Variants in CACNA2D2 observed in about 807,000 individuals in gnomAD.
CACNA2D2 encodes the protein voltage-dependent calcium channel subunit alpha-2/delta-2.
Under a neutral mutation model 166.4 loss-of-function variants are expected in CACNA2D2, and 48 were observed. The observed-to-expected ratio is 0.29, with a 90% CI of 0.23 to 0.37. The LOEUF (loss-of-function observed/expected upper bound fraction) is 0.37, where lower values mean the gene tolerates loss of function less well. Ranked by LOEUF, CACNA2D2 falls within the 10% of genes least tolerant of loss-of-function variation. The probability of loss-of-function intolerance (pLI) is 1.00; values close to 1 mark genes in which losing one functional copy is unlikely to be tolerated. For missense variants in CACNA2D2, 1,122 were observed against 1,433.0 expected, an observed-to-expected ratio of 0.78 and a Z score of 3.50; for synonymous variants, 561 against 573.7, an observed-to-expected ratio of 0.98 and a Z score of 0.32.
At chr3:50,399,999 C>T (rs984764277) in intron 3 of CACNA2D2, among the ~76,000 whole-genome samples, 2 of 152,374 alleles carry the variant, frequency 1.3e-5, no homozygotes, top group East Asian at 1.9e-4. Flanking sequence ...TAGCCCAGCA[C>T]TGGCCCCATT....
At chr3:50,446,718 A>G (rs1708864554) in intron 2 of CACNA2D2, among the ~76,000 whole-genome samples, 1 of 152,226 alleles carries the variant, frequency 6.6e-6, no homozygotes, top group Non-Finnish European at 1.5e-5. Flanking sequence ...TCCCTTCAGG[A>G]TAACAAGCCC....
intron 2 of CACNA2D2, among the ~76,000 whole-genome samples, chr3:50,475,372 T>A (rs1710262868): frequency 6.6e-6 from 1 of 152,016 alleles, no homozygotes; most frequent in Non-Finnish European, 1.5e-5. Context: ...TCAGTTCTGG[T>A]CAGTACCTCC....
At chr3:50,396,564 G>GC (rs1706165668) in intron 3 of CACNA2D2, among the ~76,000 whole-genome samples, 1 of 152,098 alleles carries the variant, frequency 6.6e-6, no homozygotes, top group Admixed American at 6.5e-5. Flanking sequence ...GATGGATGAG[G>GC]CCCCCAATTC....
chr3:50,492,278 C>T (rs1462530763), intron 1 of CACNA2D2, among the ~76,000 whole-genome samples: 1 of 152,272 alleles, frequency 6.6e-6, no homozygotes, highest in Non-Finnish European at 1.5e-5. Context: ...TTAGCCCACT[C>T]ATGCCAGCAC....
chr3:50,501,153 C>G (rs1427672448), intron 1 of CACNA2D2, among the ~76,000 whole-genome samples: 1 of 152,224 alleles, frequency 6.6e-6, no homozygotes, highest in African/African-American at 2.4e-5. Context: ...AGCAGCCCCA[C>G]AGAACCTTCT....
Position 50,366,953 on chromosome 3 carries a change from C to CT in CACNA2D2, c.2501-35dup, listed in dbSNP as rs1321095360. ...GAGAGCAAGGGACCATCAGTGCTAC[C>CT]TGCCCAGGCAGTACCCTGTCCATTG... is the stretch of plus-strand genomic sequence containing the variant. On this transcript the variant is annotated intron_variant, in intron 28 of 37. Coordinates refer to ENST00000424201, the MANE Select transcript of CACNA2D2 (RefSeq NM_006030.4). This position sits in a 1 kb window ranked among gnomAD's most constrained non-coding sequence, Gnocchi z 5.9. 6.2e-7 allele frequency: 1 copy of CT among 1,613,144 alleles called. No individual in the cohort carries two copies. The highest frequency in any genetic ancestry group is 1.1e-5 in the South Asian group (1 of 91,062).
Position 50,365,205 on chromosome 3 carries a change from C to T in CACNA2D2, c.3099-21G>A, listed in dbSNP as rs773951673. On this transcript the variant is annotated intron_variant, in intron 35 of 37. Transcript: ENST00000424201. The surrounding 1 kb of genome is among the most constrained non-coding windows in gnomAD (Gnocchi z 4.5). ...ACAGCCTGCGGGCAGCCCGGAAAGG[C>T]GGGGCGTTGAGTTTGCCCCGCCCTG... is the stretch of plus-strand genomic sequence containing the variant. 6.2e-7 allele frequency: 1 copy of T among 1,610,602 alleles called. No individual in the cohort carries two copies. The highest frequency in any genetic ancestry group is 1.1e-5 in the South Asian group (1 of 90,962).
At chr3:50,460,071 A>G (rs1709524994) in intron 2 of CACNA2D2, among the ~76,000 whole-genome samples, 1 of 152,228 alleles carries the variant, frequency 6.6e-6, no homozygotes, top group Admixed American at 6.5e-5. Context: ...TGTGGCTACA[A>G]CATGGAGTTT....
At chr3:50,389,431 C>T (rs56247154) in intron 4 of CACNA2D2, among the ~76,000 whole-genome samples, 7 of 149,140 alleles carry the variant, frequency 4.7e-5, no homozygotes, top group South Asian at 2.2e-4. Flanking sequence ...TGAAAGCGGG[C>T]GGGTGCGGTG....
chr3:50,477,822 C>A, intron 1 of CACNA2D2, among the ~76,000 whole-genome samples: 1 of 152,180 alleles, frequency 6.6e-6, no homozygotes, highest in Non-Finnish European at 1.5e-5. Context: ...CTCCCTGGGC[C>A]TGCTGCCTCC....
chr3:50,449,070 C>G (rs926050679), intron 2 of CACNA2D2, among the ~76,000 whole-genome samples: 2 of 152,220 alleles, frequency 1.3e-5, no homozygotes, highest in Non-Finnish European at 2.9e-5. Flanking sequence ...TTTCTCTGAA[C>G]ACTAAAAATA....
rs1461960304 is a variant in CACNA2D2 at position 50,365,710 on chromosome 3, G to A, written c.2916-22C>T. The A allele has an allele frequency of 6.3e-7, 1 of 1,595,888 alleles. No individual in the cohort carries two copies. Among genetic ancestry groups the A allele is most frequent in the Non-Finnish European group, 8.5e-7 (1 of 1,171,616 alleles). On this transcript the variant is annotated intron_variant, in intron 33 of 37. Transcript: ENST00000424201. This position sits in a 1 kb window ranked among gnomAD's most constrained non-coding sequence, Gnocchi z 4.5. ...GGACCTGCAGCGCACGGGGAGCCGA[G>A]TGCAGGTGGTCAGCAGAGGACGATG...
intron 2 of CACNA2D2, among the ~76,000 whole-genome samples, chr3:50,472,865 T>C (rs1404896548): frequency 6.6e-6 from 1 of 152,140 alleles, no homozygotes; most frequent in Admixed American, 6.5e-5. Flanking sequence ...TGCACTCTAT[T>C]CTCCCCCAGG....
chr3:50,402,393 G>A (rs1268488192), intron 3 of CACNA2D2, among the ~76,000 whole-genome samples: 2 of 152,238 alleles, frequency 1.3e-5, no homozygotes, highest in Non-Finnish European at 2.9e-5. Flanking sequence ...ACCACGTGCT[G>A]CAGGAAAGGT....
rs1444796440 is a variant in CACNA2D2, at chr3:50,377,807, A to C, written c.1480-4T>G. On this transcript the variant is annotated splice_polypyrimidine_tract_variant and splice_region_variant and intron_variant, in intron 15 of 37. Transcript: ENST00000424201. The stretch of plus-strand genomic sequence containing the variant: ...CTGTTACCACCAACCCCAGTCCCTG[A>C]AGGGAGAGGAAGATGATGGAGTCAC... 1 of 1,611,822 alleles carries C rather than the reference A, an allele frequency of 6.2e-7. No individual in the cohort carries two copies. The highest frequency in any genetic ancestry group is 2.2e-5 in the East Asian group (1 of 44,858).
At chr3:50,424,188 C>T (rs1707701302) in intron 3 of CACNA2D2, among the ~76,000 whole-genome samples, 1 of 152,192 alleles carries the variant, frequency 6.6e-6, no homozygotes, top group Non-Finnish European at 1.5e-5. Context: ...TCTTGGCTAC[C>T]TTCTATGCTC....
chr3:50,370,526 G>A (rs587629972), intron 22 of CACNA2D2, 146 bp from the exon 23 acceptor site: 41 of 654,298 alleles, frequency 6.3e-5, no homozygotes, highest in Admixed American at 4.5e-4. Flanking sequence ...CCATTTCCAC[G>A]TCCAGGAGCC....
At position 50,366,703 on chromosome 3, in the gene CACNA2D2, C is replaced by T. The variant is rs1315984579; in HGVS notation, c.2590-78G>A. On this transcript the variant is annotated intron_variant, in intron 29 of 37. Coordinates refer to ENST00000424201, the MANE Select transcript of CACNA2D2 (RefSeq NM_006030.4). The surrounding 1 kb of genome is among the most constrained non-coding windows in gnomAD (Gnocchi z 5.9). Reference sequence around the variant, plus strand: ...CATCACCTTTCATACATCCGGTTCCCCAGGCCATCTGCAGCTGGCCCTGCC... The same window carrying T: ...CATCACCTTTCATACATCCGGTTCCTCAGGCCATCTGCAGCTGGCCCTGCC... The T allele has an allele frequency of 1.9e-6, 3 of 1,586,708 alleles. No individual in the cohort carries two copies. Among genetic ancestry groups the T allele is most frequent in the Non-Finnish European group, 2.6e-6 (3 of 1,157,012 alleles).
At chr3:50,498,621 G>T (rs1698823943) in intron 1 of CACNA2D2, among the ~76,000 whole-genome samples, 1 of 152,242 alleles carries the variant, frequency 6.6e-6, no homozygotes. Context: ...ATGGAGGTCA[G>T]CACTGGGGCT....
Sources: gnomAD v4.1 joint callset for allele counts (sites outside exome capture counted in the v4.1 genomes callset) on GRCh38, gnomAD v4.1.1 for gene constraint, Gnocchi (gnomAD v3.1) non-coding constraint, MANE v1.5 for transcripts, NCBI Gene and HGNC (gene_info 2026-07-23, HGNC 2026-07-21) for gene names.